Variants in KLRG1 observed in about 807,000 individuals in gnomAD.
KLRG1 encodes the protein killer cell lectin-like receptor subfamily G member 1.
In KLRG1, 16 loss-of-function variants were observed where a neutral mutation model predicts 21.8. The observed-to-expected ratio is 0.73, with a 90% CI of 0.50 to 1.11. The LOEUF is 1.11. Ranked by LOEUF, KLRG1 falls within the 50% of genes most tolerant of loss-of-function variation. The pLI is 0.00. For synonymous variants in KLRG1, 69 were observed against 75.9 expected (o/e 0.91, Z 0.47); for missense variants, 173 against 218.3 (o/e 0.79, Z 1.31).
the KLRG1 span, among the ~76,000 whole-genome samples, chr12:9,195,867 TATAATA>T: frequency 2.0e-5 from 3 of 150,716 alleles, no homozygotes; most frequent in Non-Finnish European, 4.4e-5. Flanking sequence ...CATATAAAAA[TATAATA>T]ATAATAACCA....
the KLRG1 span, chr12:9,089,798 C>CAG: frequency 1.2e-6 from 1 of 839,952 alleles, no homozygotes; most frequent in Middle Eastern, 4.4e-4. Context: ...AGAGATAGGA[C>CAG]AGAGAGATAC....
the KLRG1 span, among the ~76,000 whole-genome samples, chr12:9,121,993 T>A: frequency 6.6e-6 from 1 of 152,214 alleles, no homozygotes; most frequent in South Asian, 2.1e-4. This position sits in a 1 kb window ranked among gnomAD's most constrained non-coding sequence, Gnocchi z 4.4. Context: ...AGTTCATGAT[T>A]ACTGGTGATG....
rs749107494 is a variant in KLRG1 at position 8,965,873 on chromosome 12, T to C, written c.-156+15637T>C. ...ATATGGAACCAAAAAAGAGTCCACA[T>C]TGCCAAGTCAATCCTAAGCCAAAAG... On this transcript the variant is annotated intron_variant, in intron 1 of 4. Coordinates refer to the KLRG1 transcript ENST00000539240. Among the ~76,000 whole-genome samples the C allele has an allele frequency of 1.7e-3, 266 of 152,320 alleles. 7 individuals carry two copies. In the South Asian group the frequency reaches 0.053, roughly 31 times the overall value.
the KLRG1 span, among the ~76,000 whole-genome samples, chr12:9,207,040 G>A: frequency 7.2e-5 from 11 of 152,154 alleles, no homozygotes; most frequent in Admixed American, 3.3e-4. Flanking sequence ...TACCCCTACC[G>A]GTTGCCAGGA....
chr12:9,142,670 A>T, the KLRG1 span, among the ~76,000 whole-genome samples: 1 of 152,218 alleles, frequency 6.6e-6, no homozygotes, highest in Non-Finnish European at 1.5e-5. Context: ...AAAATCCAGT[A>T]GTTATAAGAT....
At chr12:9,149,125 T>A in the KLRG1 span, 5 of 779,364 alleles carry the variant, frequency 6.4e-6, no homozygotes, top group Non-Finnish European at 1.1e-5. Flanking sequence ...TTATTTTAGG[T>A]TTATATGCCA....
chr12:9,112,695 A>G, the KLRG1 span: 2 of 695,680 alleles, frequency 2.9e-6, no homozygotes, highest in Non-Finnish European at 4.8e-6. Flanking sequence ...CACTTCTGCC[A>G]TTTTACAAAT....
At chr12:9,099,372 AACAC>A in the KLRG1 span, 1 of 1,553,056 alleles carries the variant, frequency 6.4e-7, no homozygotes, top group Non-Finnish European at 8.7e-7. Flanking sequence ...TATGATCTAA[AACAC>A]ACACCTTGTT....
At chr12:8,956,041 C>A (rs1946286982) in intron 1 of KLRG1, among the ~76,000 whole-genome samples, 1 of 152,300 alleles carries the variant, frequency 6.6e-6, no homozygotes. Flanking sequence ...CCTTTGGGTC[C>A]CCTCTCTGCT....
At chr12:9,116,728 T>C in the KLRG1 span, among the ~76,000 whole-genome samples, 6 of 152,210 alleles carry the variant, frequency 3.9e-5, no homozygotes, top group Non-Finnish European at 5.9e-5. Context: ...TTTGTAAGTA[T>C]TTTTTGATCC....
chr12:9,204,845 G>T, the KLRG1 span, among the ~76,000 whole-genome samples: 1 of 151,968 alleles, frequency 6.6e-6, no homozygotes. Context: ...CCTAGTTCCC[G>T]GCACTTTGGG....
chr12:9,033,548 GCA>G, the KLRG1 span, among the ~76,000 whole-genome samples: 1 of 152,212 alleles, frequency 6.6e-6, no homozygotes, highest in Non-Finnish European at 1.5e-5. Context: ...CTTGCTGAAG[GCA>G]GACAGAGTCT....
chr12:9,135,182 C>T, the KLRG1 span: 1 of 231,140 alleles, frequency 4.3e-6, no homozygotes, highest in Non-Finnish European at 9.1e-6. Flanking sequence ...AGCTGCAGAC[C>T]TTCAGCCACA....
chr12:9,037,472 A>G, the KLRG1 span, among the ~76,000 whole-genome samples: 1 of 152,246 alleles, frequency 6.6e-6, no homozygotes, highest in African/African-American at 2.4e-5. Flanking sequence ...ATTTAAGTAT[A>G]TTTAACTGTT....
At chr12:9,146,651 G>C in the KLRG1 span, among the ~76,000 whole-genome samples, 3 of 152,174 alleles carry the variant, frequency 2.0e-5, no homozygotes, top group Non-Finnish European at 2.9e-5. Flanking sequence ...TATAGGAGAA[G>C]GTTCCTATCA....
chr12:9,087,871 C>G, the KLRG1 span, among the ~76,000 whole-genome samples: 883 of 152,194 alleles, frequency 5.8e-3, 8 homozygotes, highest in African/African-American at 0.02. Flanking sequence ...CATTTTGGAT[C>G]TACCCTAGCT....
the KLRG1 span, among the ~76,000 whole-genome samples, chr12:9,175,757 A>C: frequency 6.6e-6 from 1 of 152,242 alleles, no homozygotes; most frequent in Non-Finnish European, 1.5e-5. Context: ...CCACAATGAG[A>C]TACCATCTCA....
At chr12:9,169,150 A>G in the KLRG1 span, among the ~76,000 whole-genome samples, 1 of 149,006 alleles carries the variant, frequency 6.7e-6, no homozygotes, top group African/African-American at 2.5e-5. Flanking sequence ...TTAAGATTTT[A>G]TTCTTTATTC....
chr12:9,159,875 C>T, the KLRG1 span: 1 of 1,380,900 alleles, frequency 7.2e-7, no homozygotes. Flanking sequence ...TGGACTAAGA[C>T]AGGTAATCTA....
Sources: allele counts gnomAD v4.1 joint callset (sites outside exome capture counted in the v4.1 genomes callset), GRCh38; gene constraint gnomAD v4.1.1; non-coding constraint Gnocchi (gnomAD v3.1); transcripts MANE v1.5; gene names NCBI Gene and HGNC (gene_info 2026-07-23, HGNC 2026-07-21).